The following MMS22L variants were observed in gnomAD, a reference collection of about 807,000 sequenced individuals.
The protein encoded by MMS22L is protein MMS22-like.
In MMS22L, 74 loss-of-function variants were observed where a neutral mutation model predicts 159.1. The ratio of observed to expected loss-of-function variants is 0.47; its 90% CI spans 0.39 to 0.56. MMS22L has a LOEUF of 0.56. Ranked by LOEUF, MMS22L falls within the 20% of genes least tolerant of loss-of-function variation. MMS22L has a pLI of 0.00. For missense variants in MMS22L, 1,351 were observed against 1,422.1 expected (o/e 0.95, Z 0.80); for synonymous variants, 517 against 506.9 (o/e 1.02, Z -0.27).
chr6:97,281,209 C>T, intron 3 of MMS22L, 28 bp downstream of exon 3: 6 of 1,588,838 alleles, frequency 3.8e-6, no homozygotes, highest in Non-Finnish European at 5.1e-6. Context: ...AACACCTACA[C>T]TCACAGAAAG....
At chr6:97,203,969 G>A (rs142737021) in intron 14 of MMS22L, among the ~76,000 whole-genome samples, 20 of 152,228 alleles carry the variant, frequency 1.3e-4, no homozygotes, top group Middle Eastern at 3.4e-3. Context: ...TTCTCCAGCA[G>A]TAGTAGCTGA....
intron 14 of MMS22L, among the ~76,000 whole-genome samples, chr6:97,208,049 T>C (rs918459645): frequency 1.3e-5 from 2 of 152,280 alleles, no homozygotes; most frequent in East Asian, 3.9e-4. Flanking sequence ...GTCTAAGTCA[T>C]AATTCCTAAA....
intron 14 of MMS22L, among the ~76,000 whole-genome samples, chr6:97,207,484 TG>T (rs1305754530): frequency 6.6e-6 from 1 of 152,172 alleles, no homozygotes; most frequent in Non-Finnish European, 1.5e-5. Context: ...ATCACATAAA[TG>T]TAACCATCTG....
In MMS22L at chr6:97,144,038, G is replaced by A. The variant is rs542754243; in HGVS notation, c.*2768C>T. On this transcript the variant is annotated 3_prime_UTR_variant, in exon 25 of 25. Transcript: ENST00000683635. ...GCAGAGCTTGCAGTGAGCCGAGATC[G>A]TGCCACTGCACTCCAGCCTGGGCGA... The A allele has an allele frequency of 9.6e-5, 14 of 145,446 alleles. No individual in the cohort carries two copies. The highest frequency in any genetic ancestry group is 6.0e-4 in the East Asian group (3 of 5,002). 9.0% of individuals were successfully genotyped at this position (145,446 alleles called of 1,614,324 possible).
chr6:97,276,864 T>C (rs1816287638), intron 4 of MMS22L, among the ~76,000 whole-genome samples: 1 of 152,200 alleles, frequency 6.6e-6, no homozygotes, highest in African/African-American at 2.4e-5. Context: ...TTTACCAAGC[T>C]GATGTATGCT....
chr6:97,212,968 T>A (rs1450085959), intron 14 of MMS22L, among the ~76,000 whole-genome samples: 3 of 152,202 alleles, frequency 2.0e-5, no homozygotes, highest in Admixed American at 6.5e-5. Context: ...AAACATTCAC[T>A]GGGTTAAATG....
At chr6:97,152,663 T>A (rs184362633) in intron 22 of MMS22L, among the ~76,000 whole-genome samples, 3 of 152,232 alleles carry the variant, frequency 2.0e-5, no homozygotes, top group Admixed American at 6.5e-5. Context: ...ATAATGAATA[T>A]TAGGTAGTAG....
At chr6:97,210,422 G>A (rs1162916811) in intron 14 of MMS22L, among the ~76,000 whole-genome samples, 1 of 151,772 alleles carries the variant, frequency 6.6e-6, no homozygotes, top group East Asian at 1.9e-4. Context: ...CAAAATAAAT[G>A]CCATAAAAAA....
intron 8 of MMS22L, 39 bp from the exon 9 acceptor site, chr6:97,263,487 C>G: frequency 9.2e-7 from 1 of 1,091,412 alleles, no homozygotes; most frequent in Non-Finnish European, 1.3e-6. Flanking sequence ...TATAAGACAG[C>G]AGCAGAATTT....
chr6:97,202,302 A>C (rs1394789364), intron 14 of MMS22L, among the ~76,000 whole-genome samples: 1 of 152,224 alleles, frequency 6.6e-6, no homozygotes, highest in Non-Finnish European at 1.5e-5. Flanking sequence ...ACTCCTGTGC[A>C]CTAACAGAAG....
intron 10 of MMS22L, among the ~76,000 whole-genome samples, chr6:97,251,364 C>T (rs1813215476): frequency 6.6e-6 from 1 of 152,166 alleles, no homozygotes; most frequent in Non-Finnish European, 1.5e-5. Context: ...AAATATTTCA[C>T]TGAGATAATA....
intron 14 of MMS22L, among the ~76,000 whole-genome samples, chr6:97,218,877 A>T (rs1347787832): frequency 6.6e-6 from 1 of 152,188 alleles, no homozygotes; most frequent in East Asian, 1.9e-4. Flanking sequence ...CCTGAATTGA[A>T]TTTTTTATTT....
rs150993668 is a variant in MMS22L, at chr6:97,200,732, G to A, written c.2040-14042C>T. ...AAAAGATCACCGATTCAGTATGAAT[G>A]TGCAACAGTGCTATAGGAGCAGATA... On this transcript the variant is annotated intron_variant, in intron 14 of 24. Transcript: ENST00000683635. Among the ~76,000 whole-genome samples, 338 of 152,230 alleles carry A rather than the reference G, an allele frequency of 2.2e-3. 1 individual carries two copies. The highest frequency in any genetic ancestry group is 3.7e-3 in the Non-Finnish European group (251 of 68,000).
intron 12 of MMS22L, among the ~76,000 whole-genome samples, chr6:97,232,849 CTAAT>C (rs1158640347): frequency 1.3e-5 from 2 of 152,076 alleles, no homozygotes; most frequent in Non-Finnish European, 1.5e-5. Flanking sequence ...GAGAGGTTCA[CTAAT>C]TATTTACCCC....
At chr6:97,273,158 C>T in intron 4 of MMS22L, 96 bp from the exon 5 acceptor site, 1 of 921,032 alleles carries the variant, frequency 1.1e-6, no homozygotes, top group Non-Finnish European at 1.7e-6. Context: ...AATTCTCTAT[C>T]TTGTAACATT....
At chr6:97,232,489 C>CA (rs1193494125) in intron 12 of MMS22L, among the ~76,000 whole-genome samples, 2 of 152,064 alleles carry the variant, frequency 1.3e-5, no homozygotes, top group African/African-American at 2.4e-5. Flanking sequence ...AGCATAAACT[C>CA]AGAGATTTAA....
intron 18 of MMS22L, among the ~76,000 whole-genome samples, chr6:97,176,630 A>G (rs1250581113): frequency 6.6e-6 from 1 of 152,134 alleles, no homozygotes; most frequent in African/African-American, 2.4e-5. Context: ...GTATGAGGCA[A>G]AGAGGGCATA....
intron 3 of MMS22L, among the ~76,000 whole-genome samples, chr6:97,280,582 G>A (rs951752743): frequency 1.3e-5 from 2 of 152,008 alleles, no homozygotes; most frequent in African/African-American, 4.8e-5. Flanking sequence ...CCAAAGTGCT[G>A]GGATTACAAG....
chr6:97,234,739 CAAAGT>C (rs1359971093), intron 11 of MMS22L, among the ~76,000 whole-genome samples: 2 of 152,030 alleles, frequency 1.3e-5, no homozygotes, highest in Non-Finnish European at 2.9e-5. Context: ...TGAAACAAAG[CAAAGT>C]AATGTGGCAA....
Sources: gnomAD v4.1 joint callset for allele counts (sites outside exome capture counted in the v4.1 genomes callset) on GRCh38, gnomAD v4.1.1 for gene constraint, MANE v1.5 for transcripts, NCBI Gene and HGNC (gene_info 2026-07-23, HGNC 2026-07-21) for gene names.